Variants in CHN2 observed in about 807,000 individuals in gnomAD.
CHN2 encodes beta-chimaerin.
CHN2 carries 35 observed loss-of-function variants against 56.3 expected under a neutral mutation model. That is an observed-to-expected ratio of 0.62 (90% CI 0.47 to 0.82). The LOEUF (loss-of-function observed/expected upper bound fraction) is 0.82, where lower values mean the gene tolerates loss of function less well. Ranked by LOEUF, CHN2 falls within the 40% of genes least tolerant of loss-of-function variation. CHN2 has a pLI of 0.00. For synonymous variants in CHN2, 210 were observed against 212.8 expected, an observed-to-expected ratio of 0.99 and a Z score of 0.12; for missense variants, 491 against 580.5, an observed-to-expected ratio of 0.85 and a Z score of 1.58.
chr7:29,417,142 G>A (rs1803838430), intron 6 of CHN2, among the ~76,000 whole-genome samples: 1 of 152,178 alleles, frequency 6.6e-6, no homozygotes, highest in South Asian at 2.1e-4. Flanking sequence ...TCGCAGTCCT[G>A]AGCTGCGCCT....
At chr7:29,454,915 T>TTTTTTTTTTTTTTTTTTTTTTTTTTG (rs1562620271) in intron 6 of CHN2, among the ~76,000 whole-genome samples, 1 of 152,194 alleles carries the variant, frequency 6.6e-6, no homozygotes, top group Admixed American at 6.5e-5. Context: ...AGACTGCTTT[T>TTTTTTTTTTTTTTTTTTTTTTTTTTG]AAAAATTATT....
chr7:29,390,836 C>T lies in CHN2; in HGVS notation c.145-2843C>T, dbSNP rs1801306868. On this transcript the variant is annotated intron_variant, in intron 3 of 12. Coordinates refer to ENST00000222792, the MANE Select transcript of CHN2 (RefSeq NM_004067.4). Reference sequence around the variant, plus strand: ...TCTTAGTCTCTTGGCAGACCTTTGTCCCTGGGAGCCCTAGCCCCCAGCCAC... The same window carrying T: ...TCTTAGTCTCTTGGCAGACCTTTGTTCCTGGGAGCCCTAGCCCCCAGCCAC... 2.0e-5 allele frequency among the ~76,000 whole-genome samples: 3 copies of T among 151,886 alleles called. No individual in the cohort carries two copies. The South Asian group carries it at 6.2e-4, about 32-fold the overall frequency.
In CHN2 at chr7:29,464,902, G is replaced by T. The variant is rs1039013301; in HGVS notation, c.577-15377G>T. ...CTGCTGTTGTTTCCCACATTCTCCA[G>T]GAGTATGGGAGGCTCTTTCCTGAGT... On this transcript the variant is annotated intron_variant, in intron 6 of 12. Coordinates refer to ENST00000222792, the MANE Select transcript of CHN2 (RefSeq NM_004067.4). Among the ~76,000 whole-genome samples, 66 of 152,302 alleles carry T rather than the reference G, an allele frequency of 4.3e-4. 1 individual carries two copies. Among genetic ancestry groups the T allele is most frequent in the African/African-American group, 1.4e-3 (59 of 41,574 alleles).
chr7:29,374,831 T>TCCTTCCTTCCTTCCTTCCTTCCTG (rs1799907528), intron 3 of CHN2, among the ~76,000 whole-genome samples: 2 of 149,536 alleles, frequency 1.3e-5, no homozygotes, highest in Admixed American at 1.3e-4. Context: ...CTTCCTTCCT[T>TCCTTCCTTCCTTCCTTCCTTCCTG]CCTTCCTTCC....
intron 7 of CHN2, among the ~76,000 whole-genome samples, chr7:29,482,035 T>A (rs1787307654): frequency 6.6e-6 from 1 of 152,204 alleles, no homozygotes; most frequent in Admixed American, 6.5e-5. Flanking sequence ...CTTAAGACAT[T>A]TTAAAACTAA....
chr7:29,156,533 G>A (rs1794398791), intron 2 of CHN2, among the ~76,000 whole-genome samples: 1 of 152,112 alleles, frequency 6.6e-6, no homozygotes, highest in African/African-American at 2.4e-5. Flanking sequence ...CTTTTATTGG[G>A]GCTGAAATTT....
chr7:29,367,022 A>G (rs759831030), intron 2 of CHN2, among the ~76,000 whole-genome samples: 5 of 152,166 alleles, frequency 3.3e-5, no homozygotes, highest in Non-Finnish European at 5.9e-5. Context: ...TTGTAGATTT[A>G]TTCCATTTAA....
At chr7:29,180,277 G>A (rs7782790) in intron 2 of CHN2, among the ~76,000 whole-genome samples, 18,063 of 152,230 alleles carry the variant, frequency 0.12, 1,224 homozygotes, top group East Asian at 0.23. Context: ...TGTAATCCCA[G>A]CACTTTGGGA....
intron 1 of CHN2, among the ~76,000 whole-genome samples, chr7:29,299,174 A>T (rs1793442712): frequency 6.6e-6 from 1 of 152,170 alleles, no homozygotes; most frequent in African/African-American, 2.4e-5. Context: ...CAAACATCCT[A>T]TGGTTCCACC....
intron 6 of CHN2, among the ~76,000 whole-genome samples, chr7:29,460,497 T>C (rs2128137237): frequency 6.6e-6 from 1 of 152,318 alleles, no homozygotes; most frequent in South Asian, 2.1e-4. Flanking sequence ...AACTGTCTGG[T>C]CTTTATGTTC....
In CHN2 at chr7:29,324,591, A is replaced by G. The variant is rs532322464; in HGVS notation, c.50-30034A>G. ...GTACCCCTGCTAGATCGTGTCTTCT[A>G]ACATCAGCTGTGACTTTTTTTTTTT... On this transcript the variant is annotated intron_variant, in intron 1 of 12. Coordinates refer to ENST00000222792, the MANE Select transcript of CHN2 (RefSeq NM_004067.4). Among the ~76,000 whole-genome samples the G allele has an allele frequency of 5.1e-4, 76 of 149,548 alleles. 1 individual carries two copies. The highest frequency in any genetic ancestry group is 6.4e-4 in the Non-Finnish European group (43 of 67,572).
At chr7:29,332,307 G>A (rs4620190) in intron 1 of CHN2, among the ~76,000 whole-genome samples, 63,299 of 151,916 alleles carry the variant, frequency 0.42, 14,310 homozygotes, top group African/African-American at 0.59. Context: ...TTCTTGGGAG[G>A]CTGAAATGAA....
intron 1 of CHN2, among the ~76,000 whole-genome samples, chr7:29,273,128 G>A (rs7808073): frequency 0.055 from 8,254 of 150,946 alleles, 308 homozygotes; most frequent in East Asian, 0.16. Flanking sequence ...ACCCTTTACC[G>A]CCTACTCATG....
intron 1 of CHN2, among the ~76,000 whole-genome samples, chr7:29,220,674 A>G (rs1252589873): frequency 6.6e-6 from 1 of 152,214 alleles, no homozygotes; most frequent in Non-Finnish European, 1.5e-5. Context: ...CTTCCCCTAA[A>G]TTTAATTTCA....
At chr7:29,378,880 G>A (rs1412399178) in intron 3 of CHN2, among the ~76,000 whole-genome samples, 4 of 152,186 alleles carry the variant, frequency 2.6e-5, no homozygotes, top group Non-Finnish European at 4.4e-5. Context: ...CAGGAGAATC[G>A]CTTGAACCCA....
intron 2 of CHN2, among the ~76,000 whole-genome samples, chr7:29,358,653 A>C (rs1050319128): frequency 6.6e-6 from 1 of 151,858 alleles, no homozygotes; most frequent in African/African-American, 2.4e-5. Context: ...TTTAATAGAG[A>C]CAGGGTTTCA....
Position 29,316,066 on chromosome 7 carries a change from C to A in CHN2, c.50-38559C>A, listed in dbSNP as rs572117799. Among the ~76,000 whole-genome samples the A allele has an allele frequency of 1.5e-4, 23 of 152,282 alleles. No homozygotes were observed. In the South Asian group the frequency reaches 4.8e-3, roughly 32 times the overall value. ...AATTCATTGGGCAAGCCATGCTCTC[C>A]CCTGGGCTCAGCACGCAGCTGTCAA... On this transcript the variant is annotated intron_variant, in intron 1 of 12. Coordinates refer to ENST00000222792, the MANE Select transcript of CHN2 (RefSeq NM_004067.4).
intron 8 of CHN2, among the ~76,000 whole-genome samples, chr7:29,498,799 G>C (rs1789604541): frequency 8.4e-6 from 1 of 119,382 alleles, no homozygotes; most frequent in African/African-American, 3.4e-5. Flanking sequence ...GTCTCCCTCT[G>C]TCACCAGGCT....
In CHN2 at chr7:29,412,320, C is replaced by CTTTTTT. The variant is rs1158746299; in HGVS notation, c.576+11515_576+11520dup. The stretch of plus-strand genomic sequence containing the variant: ...AGATTAAGGCGCTCTGCTAAAGAGT[C>CTTTTTT]TTTTTTTTTTTTTTTTTTTTTTTTT... On this transcript the variant is annotated intron_variant, in intron 6 of 12. Coordinates refer to ENST00000222792, the MANE Select transcript of CHN2 (RefSeq NM_004067.4). Among the ~76,000 whole-genome samples, 388 of 69,492 alleles carry CTTTTTT rather than the reference C, an allele frequency of 5.6e-3. 76 individuals carry two copies. The highest frequency in any genetic ancestry group is 0.021 in the African/African-American group (342 of 16,096). The allele number at this position is 69,492 out of a possible 152,430, so 45.6% of individuals were successfully genotyped here.
Sources: gnomAD v4.1 joint callset for allele counts (sites outside exome capture counted in the v4.1 genomes callset) on GRCh38, gnomAD v4.1.1 for gene constraint, MANE v1.5 for transcripts, NCBI Gene and HGNC (gene_info 2026-07-23, HGNC 2026-07-21) for gene names.